Variants in N4BP2L2 observed in about 807,000 individuals in gnomAD.
The protein encoded by N4BP2L2 is NEDD4 binding protein 2 like 2, also known as NEDD4-binding protein 2-like 2.
Under a neutral mutation model 56.2 loss-of-function variants are expected in N4BP2L2, and 50 were observed. That is an observed-to-expected ratio of 0.89 (90% CI 0.71 to 1.13). The LOEUF (loss-of-function observed/expected upper bound fraction) is 1.13. N4BP2L2 is among the 50% of genes most tolerant of loss of function. The pLI is 0.00. For synonymous variants in N4BP2L2, 203 were observed against 223.6 expected (o/e 0.91, Z 0.82); for missense variants, 689 against 693.8 (o/e 0.99, Z 0.08).
At chr13:32,537,262 G>GTATATA (rs1340262698) in intron 1 of N4BP2L2, among the ~76,000 whole-genome samples, 1 of 151,302 alleles carries the variant, frequency 6.6e-6, no homozygotes, top group Non-Finnish European at 1.5e-5. Flanking sequence ...ATATATATAT[G>GTATATA]TATATATACA....
chr13:32,506,508 A>T (rs1218817646), downstream of N4BP2L2: 2 of 152,198 alleles, frequency 1.3e-5, no homozygotes, highest in Admixed American at 1.3e-4. Context: ...CTGATGACCA[A>T]GCAACAGTGA....
intron 6 of N4BP2L2, among the ~76,000 whole-genome samples, chr13:32,462,626 C>T (rs1404671813): frequency 6.6e-6 from 1 of 151,836 alleles, no homozygotes; most frequent in African/African-American, 2.4e-5. Flanking sequence ...TGAAACATTC[C>T]CAACACATAT....
At position 32,459,744 on chromosome 13, in the gene N4BP2L2, C is replaced by A. The variant is rs1347765455; in HGVS notation, c.366-15618G>T. Among the ~76,000 whole-genome samples, 3 of 152,050 alleles carry A rather than the reference C, an allele frequency of 2.0e-5. No individual in the cohort carries two copies. The East Asian group carries it at 5.8e-4, about 29-fold the overall frequency. On this transcript the variant is annotated intron_variant, in intron 6 of 9. Transcript: ENST00000357505. ...ATTGATCAGAACATACTACCCAAAG[C>A]AATTCTCCTAAAACTATTCCAAAAA...
At chr13:32,441,454 C>A (rs1311158277) in intron 7 of N4BP2L2, among the ~76,000 whole-genome samples, 2 of 151,844 alleles carry the variant, frequency 1.3e-5, no homozygotes, top group Admixed American at 1.3e-4. Flanking sequence ...GAGGCTGAGG[C>A]GGGTAGATCA....
chr13:32,483,251 G>A (rs2085148901), intron 6 of N4BP2L2, among the ~76,000 whole-genome samples: 1 of 152,170 alleles, frequency 6.6e-6, no homozygotes, highest in South Asian at 2.1e-4. Flanking sequence ...GATGGGCAAA[G>A]CAAATCTATC....
rs114918608 is a variant in N4BP2L2, at chr13:32,530,598, T to C, written c.1260-3066A>G. On this transcript the variant is annotated intron_variant, in intron 2 of 5. Coordinates refer to ENST00000267068, the Ensembl canonical transcript of N4BP2L2. ...AATAGCTATCTTTTTGAGAGCCTATTTTATGTCAAACATTTTACATAAATC... is the reference window on the plus strand; with the variant it reads ...AATAGCTATCTTTTTGAGAGCCTATCTTATGTCAAACATTTTACATAAATC... 4.2e-3 allele frequency among the ~76,000 whole-genome samples: 644 copies of C among 152,324 alleles called. 6 individuals are homozygous for C. Among genetic ancestry groups the C allele is most frequent in the African/African-American group, 0.014 (600 of 41,564 alleles).
intron 8 of N4BP2L2, among the ~76,000 whole-genome samples, chr13:32,437,580 C>T (rs1184388050): frequency 1.3e-5 from 2 of 152,230 alleles, no homozygotes; most frequent in African/African-American, 4.8e-5. Context: ...CCAAGCCAGT[C>T]CTCCTCCAGC....
chr13:32,445,224 C>T (rs2076874419), intron 6 of N4BP2L2, among the ~76,000 whole-genome samples: 1 of 152,082 alleles, frequency 6.6e-6, no homozygotes, highest in Admixed American at 6.6e-5. Flanking sequence ...GCACTCCAGC[C>T]TGGCCCACAG....
At chr13:32,492,273 A>AT (rs72053635) in intron 6 of N4BP2L2, among the ~76,000 whole-genome samples, 25,680 of 70,538 alleles carry the variant, frequency 0.36, 7,723 homozygotes, top group Non-Finnish European at 0.45. Flanking sequence ...AAACACCAAA[A>AT]TTTTTTTTTT....
chr13:32,483,369 A>T (rs774557752), intron 6 of N4BP2L2, among the ~76,000 whole-genome samples: 3 of 152,234 alleles, frequency 2.0e-5, no homozygotes, highest in Non-Finnish European at 4.4e-5. Context: ...GATGAACAGA[A>T]TATTTCTCTT....
chr13:32,535,709 T>C, intron 2 of N4BP2L2, 60 bp downstream of exon 2: 1 of 1,531,446 alleles, frequency 6.5e-7, no homozygotes, highest in East Asian at 2.3e-5. Flanking sequence ...CGGCGACAAA[T>C]ATCATTTATA....
At chr13:32,525,583 C>A (rs2052485978) in intron 3 of N4BP2L2, 1 of 152,164 alleles carries the variant, frequency 6.6e-6, no homozygotes, top group Non-Finnish European at 1.5e-5. Context: ...GCAGGAGGAT[C>A]CCTTGAGTCC....
chr13:32,444,220 A>T, intron 6 of N4BP2L2: 1 of 940,732 alleles, frequency 1.1e-6, no homozygotes, highest in East Asian at 2.9e-5. Flanking sequence ...CAGGTTTAAA[A>T]ACCTTTAGTA....
intron 6 of N4BP2L2, among the ~76,000 whole-genome samples, chr13:32,449,522 T>A (rs914617074): frequency 6.6e-6 from 1 of 152,192 alleles, no homozygotes; most frequent in African/African-American, 2.4e-5. Context: ...TAAATACATA[T>A]AAAAACATGT....
chr13:32,499,470 T>A (rs760343989), intron 6 of N4BP2L2, among the ~76,000 whole-genome samples: 2 of 152,224 alleles, frequency 1.3e-5, no homozygotes, highest in Non-Finnish European at 2.9e-5. Context: ...CATTCCTATA[T>A]ACATTGGTAA....
At chr13:32,450,792 C>T (rs373390078) in intron 6 of N4BP2L2, among the ~76,000 whole-genome samples, 2 of 151,912 alleles carry the variant, frequency 1.3e-5, no homozygotes, top group African/African-American at 4.8e-5. Flanking sequence ...CCATGCCTGG[C>T]TCTTTTTCTT....
At chr13:32,517,492 T>C in exon 6 of N4BP2L2, 1 of 1,082,086 alleles carries the variant, frequency 9.2e-7, no homozygotes, top group Non-Finnish European at 1.1e-6. Flanking sequence ...ATAGTGTCTA[T>C]AAAATAGATA....
Position 32,498,987 on chromosome 13 carries a change from TAAAAA to T in N4BP2L2, c.365+18865_365+18869del, listed in dbSNP as rs34972549. Among the ~76,000 whole-genome samples the T allele has an allele frequency of 7.1e-4, 62 of 87,108 alleles. No homozygotes were observed. In the South Asian group the frequency reaches 0.022, roughly 31 times the overall value. The allele number at this position is 87,108 out of a possible 152,430, so 57.1% of individuals were successfully genotyped here. ...CTGGGTGACAGAGCAAGACTCTGTC[TAAAAA>T]AAAAAAAAAAAAAAAAAAATTAAAA... On this transcript the variant is annotated intron_variant, in intron 6 of 9. Coordinates refer to the N4BP2L2 transcript ENST00000357505.
chr13:32,517,480 C>A, exon 6 of N4BP2L2: 1 of 1,044,278 alleles, frequency 9.6e-7, no homozygotes, highest in Non-Finnish European at 1.2e-6. Flanking sequence ...AAAAACTGTT[C>A]AATAGTGTCT....
Sources: gnomAD v4.1 joint callset for allele counts (sites outside exome capture counted in the v4.1 genomes callset) on GRCh38, gnomAD v4.1.1 for gene constraint, MANE v1.5 for transcripts, NCBI Gene and HGNC (gene_info 2026-07-23, HGNC 2026-07-21) for gene names.